Variants in DDR2 observed in about 807,000 individuals in gnomAD.
The protein encoded by DDR2 is discoidin domain receptor tyrosine kinase 2.
A neutral mutation model predicts 94.9 loss-of-function variants in DDR2; 27 were observed. That is an observed-to-expected ratio of 0.28 (90% CI 0.21 to 0.39). The LOEUF (loss-of-function observed/expected upper bound fraction) is 0.39. Ranked by LOEUF, DDR2 falls within the 10% of genes least tolerant of loss-of-function variation. The pLI, the probability that DDR2 is intolerant of heterozygous loss-of-function variation, is 1.00. For synonymous variants in DDR2, 382 were observed against 377.2 expected, an observed-to-expected ratio of 1.01 and a Z score of -0.15; for missense variants, 783 against 1,076.0, an observed-to-expected ratio of 0.73 and a Z score of 3.81.
chr1:162,733,785 C>T (rs913478798), intron 3 of DDR2, among the ~76,000 whole-genome samples: 1 of 152,164 alleles, frequency 6.6e-6, no homozygotes, highest in African/African-American at 2.4e-5. Flanking sequence ...CAAAGTTGCT[C>T]ACAATTTCAA....
At position 162,776,470 on chromosome 1, in the gene DDR2, A is replaced by G. The variant is rs1040664975; in HGVS notation, c.2283+100A>G. 2.5e-5 allele frequency: 26 copies of G among 1,025,668 alleles called. 1 individual carries two copies. Among genetic ancestry groups the G allele is most frequent in the Middle Eastern group, 4.4e-4 (2 of 4,584 alleles). The allele number at this position is 1,025,668 out of a possible 1,614,324, so 63.5% of individuals were successfully genotyped here. A position where few individuals can be genotyped will look rare whatever the true frequency, so the allele number is the denominator to read the frequency against. ...CCTGAGACAGCAGGAGGCAAACTCA[A>G]TAGACTGTAGTATTTTCTCTGATTT... On this transcript the variant is annotated intron_variant, in intron 16 of 17. Transcript: ENST00000367921.
chr1:162,697,256 G>T (rs1660236667), intron 2 of DDR2, among the ~76,000 whole-genome samples: 1 of 152,026 alleles, frequency 6.6e-6, no homozygotes, highest in African/African-American at 2.4e-5. Context: ...AAAAAATAAG[G>T]CTTGCCACTG....
intron 1 of DDR2, among the ~76,000 whole-genome samples, chr1:162,644,986 T>C (rs1478333599): frequency 4.6e-5 from 7 of 152,204 alleles, no homozygotes; most frequent in Non-Finnish European, 1.0e-4. Flanking sequence ...CTTGGTCCTC[T>C]CCTTTCCCCA....
chr1:162,732,725 C>A (rs1439218334), intron 3 of DDR2, among the ~76,000 whole-genome samples: 1 of 152,252 alleles, frequency 6.6e-6, no homozygotes, highest in African/African-American at 2.4e-5. Context: ...GCACCTCAGG[C>A]CTCATGTGGG....
At position 162,784,990 on chromosome 1, in the gene DDR2, C is replaced by T. The variant is rs909419115; in HGVS notation, c.*4744C>T. ...TTGGATACAACAGGAAAGATACTAT[C>T]TGGATAAAGTTCTACAGTTTTAGAG... On this transcript the variant is annotated 3_prime_UTR_variant, in exon 18 of 18. Coordinates refer to ENST00000367921, the MANE Select transcript of DDR2 (RefSeq NM_006182.4). 2.6e-5 allele frequency: 4 copies of T among 152,190 alleles called. No individual in the cohort carries two copies. The highest frequency in any genetic ancestry group is 9.7e-5 in the African/African-American group (4 of 41,440). 9.4% of individuals were successfully genotyped at this position (152,190 alleles called of 1,614,324 possible).
intron 2 of DDR2, among the ~76,000 whole-genome samples, chr1:162,709,321 G>C (rs916812774): frequency 2.0e-5 from 3 of 152,200 alleles, no homozygotes; most frequent in Non-Finnish European, 4.4e-5. Context: ...AGAAGGTATG[G>C]GTGGCTCAGA....
At chr1:162,649,635 G>A (rs1330762845) in intron 1 of DDR2, among the ~76,000 whole-genome samples, 1 of 152,240 alleles carries the variant, frequency 6.6e-6, no homozygotes, top group Non-Finnish European at 1.5e-5. Context: ...GGAAAAGAGA[G>A]AGTAGAGCGG....
At chr1:162,689,339 T>C (rs1315582695) in intron 2 of DDR2, among the ~76,000 whole-genome samples, 1 of 152,162 alleles carries the variant, frequency 6.6e-6, no homozygotes, top group Non-Finnish European at 1.5e-5. Flanking sequence ...GTAAGGGCAG[T>C]TATTAAGCTT....
intron 7 of DDR2, among the ~76,000 whole-genome samples, chr1:162,759,020 T>C (rs1663590449): frequency 6.6e-6 from 1 of 152,152 alleles, no homozygotes; most frequent in South Asian, 2.1e-4. Flanking sequence ...TCTGGAAAAC[T>C]CAGCCTTTAA....
chr1:162,718,750 G>T (rs1416560732), intron 2 of DDR2, among the ~76,000 whole-genome samples: 4 of 152,140 alleles, frequency 2.6e-5, no homozygotes, highest in African/African-American at 9.7e-5. Flanking sequence ...TTCACCATTT[G>T]GGTAAGTATT....
chr1:162,701,871 A>G (rs1360941986), intron 2 of DDR2, among the ~76,000 whole-genome samples: 1 of 152,206 alleles, frequency 6.6e-6, no homozygotes, highest in East Asian at 1.9e-4. Flanking sequence ...GGCATCACAT[A>G]TTTGAAGACC....
Position 162,761,325 on chromosome 1 carries a change from C to T in DDR2, c.970C>T (p.Leu324=). 1 of 1,614,200 alleles carries T rather than the reference C, an allele frequency of 6.2e-7. No homozygotes were observed. The highest frequency in any genetic ancestry group is 8.5e-7 in the Non-Finnish European group (1 of 1,180,036). Residue 324 remains leucine (L), a synonymous_variant, in exon 9 of 18, where the codon CTG becomes TTG. Transcript: ENST00000367921. ...EPNAISFPLV[L]DDVNPSARFV... ...TAATGCCATTTCCTTCCCCCTTGTCCTGGATGACGTCAACCCCAGTGCTCG... is the reference window on the plus strand; with the variant it reads ...TAATGCCATTTCCTTCCCCCTTGTCTTGGATGACGTCAACCCCAGTGCTCG...
At chr1:162,753,653 C>A (rs1663320073) in intron 4 of DDR2, among the ~76,000 whole-genome samples, 1 of 152,090 alleles carries the variant, frequency 6.6e-6, no homozygotes, top group Admixed American at 6.5e-5. Context: ...GACACTGAGG[C>A]CTCCAACAAG....
intron 2 of DDR2, among the ~76,000 whole-genome samples, chr1:162,663,122 C>T (rs1024844805): frequency 1.3e-5 from 2 of 152,292 alleles, no homozygotes; most frequent in South Asian, 4.1e-4. Context: ...AAGTCTCCTG[C>T]CCCCCAAATC....
At chr1:162,732,341 T>C (rs1417061130) in intron 3 of DDR2, among the ~76,000 whole-genome samples, 1 of 152,208 alleles carries the variant, frequency 6.6e-6, no homozygotes, top group East Asian at 1.9e-4. Flanking sequence ...GTGAAGCTTG[T>C]GGGAAGCAGG....
At position 162,766,058 on chromosome 1, in the gene DDR2, C is replaced by T; in HGVS notation, c.1157C>T (p.Thr386Ile). The change falls in exon 10 of 18, where the codon ACC becomes ATC. Residue 386 changes from threonine (T) to isoleucine (I), a missense_variant. Physicochemically the swap from Thr to Ile is moderately conservative, Grantham distance 89. This residue lies in a region of DDR2 where 519 missense variants were observed against 647.9 expected (regional missense o/e 0.80). Transcript: ENST00000367921. ...CCCACCTCTCCTATGGCACCCACAA[C>T]CTATGGTATATGTGATTCCTAATTA... ...ALPTSPMAPT[T>I]YDPMLKVDDS... The T allele has an allele frequency of 6.2e-7, 1 of 1,613,822 alleles. No individual in the cohort carries two copies. Among genetic ancestry groups the T allele is most frequent in the Non-Finnish European group, 8.5e-7 (1 of 1,179,924 alleles).
At chr1:162,771,489 A>G (rs973070862) in intron 12 of DDR2, among the ~76,000 whole-genome samples, 1 of 152,246 alleles carries the variant, frequency 6.6e-6, no homozygotes, top group Non-Finnish European at 1.5e-5. Flanking sequence ...GACAGCAAGA[A>G]TAAAGGATAT....
chr1:162,711,796 A>ATATACACACACATGCACATATGTT lies in DDR2; in HGVS notation c.-27-7222_-27-7199dup, dbSNP rs1553246807. 4.4e-3 allele frequency among the ~76,000 whole-genome samples: 670 copies of ATATACACACACATGCACATATGTT among 151,592 alleles called. 3 individuals carry two copies. Among genetic ancestry groups the ATATACACACACATGCACATATGTT allele is most frequent in the Non-Finnish European group, 7.6e-3 (519 of 67,978 alleles). The stretch of plus-strand genomic sequence containing the variant: ...TATATATATATACACACACATACAT[A>ATATACACACACATGCACATATGTT]TATACACACACATGCACATATGTTT... On this transcript the variant is annotated intron_variant, in intron 2 of 17. Transcript: ENST00000367921.
chr1:162,765,522 T>C (rs1227981984), intron 9 of DDR2, among the ~76,000 whole-genome samples: 1 of 152,020 alleles, frequency 6.6e-6, no homozygotes, highest in African/African-American at 2.4e-5. Context: ...TGTCAGTAAA[T>C]ATCTATAAAG....
Sources: allele counts gnomAD v4.1 joint callset (sites outside exome capture counted in the v4.1 genomes callset), GRCh38; gene constraint gnomAD v4.1.1; regional missense constraint gnomAD v4.1.1; transcripts MANE v1.5; gene names NCBI Gene and HGNC (gene_info 2026-07-23, HGNC 2026-07-21).